Variants in MPP7 observed in about 807,000 individuals in gnomAD.
MPP7 encodes the protein MAGUK p55 scaffold protein 7.
Under a neutral mutation model 76.5 loss-of-function variants are expected in MPP7, and 60 were observed. The observed-to-expected ratio is 0.78, with a 90% CI of 0.64 to 0.97. The LOEUF is 0.97. Ranked by LOEUF, MPP7 falls within the 50% of genes least tolerant of loss-of-function variation. MPP7 has a pLI of 0.00. For synonymous variants in MPP7, 237 were observed against 244.5 expected, an observed-to-expected ratio of 0.97 and a Z score of 0.29; for missense variants, 641 against 694.0, an observed-to-expected ratio of 0.92 and a Z score of 0.86.
At chr10:28,058,215 A>G (rs1851640134) in intron 15 of MPP7, among the ~76,000 whole-genome samples, 1 of 152,226 alleles carries the variant, frequency 6.6e-6, no homozygotes, top group African/African-American at 2.4e-5. Flanking sequence ...ATGTAGAAAC[A>G]TCTAAGAGTT....
chr10:28,092,576 C>CTTTTTTTTTT (rs1564626626), intron 11 of MPP7, among the ~76,000 whole-genome samples: 5 of 101,602 alleles, frequency 4.9e-5, no homozygotes, highest in Admixed American at 2.3e-4. Context: ...AGAAAAGGGA[C>CTTTTTTTTTT]CTTTTTTTTT....
At chr10:28,308,244 G>T (rs1841270353) in intron 2 of MPP7, among the ~76,000 whole-genome samples, 1 of 152,200 alleles carries the variant, frequency 6.6e-6, no homozygotes, top group South Asian at 2.1e-4. Context: ...TAAAAGTGCA[G>T]CTGGCTGTGT....
intron 1 of MPP7, among the ~76,000 whole-genome samples, chr10:28,288,157 A>G (rs1228053838): frequency 1.3e-5 from 2 of 151,922 alleles, no homozygotes; most frequent in East Asian, 1.9e-4. Flanking sequence ...AACCACCACC[A>G]CTCTTTCCCT....
intron 1 of MPP7, among the ~76,000 whole-genome samples, chr10:28,256,372 T>G (rs772350804): frequency 2.0e-5 from 3 of 148,498 alleles, no homozygotes; most frequent in Non-Finnish European, 4.5e-5. Flanking sequence ...TTAATATGAA[T>G]TCCAATAACA....
intron 12 of MPP7, among the ~76,000 whole-genome samples, chr10:28,079,996 C>T (rs935335897): frequency 7.1e-6 from 1 of 141,350 alleles, no homozygotes; most frequent in Admixed American, 7.4e-5. Flanking sequence ...GTGCGGGGTG[C>T]CTATAATCCC....
At chr10:28,277,666 G>T (rs766146032) in intron 1 of MPP7, among the ~76,000 whole-genome samples, 1 of 152,066 alleles carries the variant, frequency 6.6e-6, no homozygotes, top group Non-Finnish European at 1.5e-5. Flanking sequence ...AACAGGGTAC[G>T]GGGTAAACCG....
intron 11 of MPP7, among the ~76,000 whole-genome samples, chr10:28,100,892 G>A (rs973117495): frequency 1.1e-4 from 17 of 152,086 alleles, no homozygotes; most frequent in Admixed American, 2.6e-4. Flanking sequence ...CCATAAAAAT[G>A]GAGAGAGAGA....
At chr10:28,290,162 C>G (rs996656252) in intron 1 of MPP7, among the ~76,000 whole-genome samples, 5 of 152,098 alleles carry the variant, frequency 3.3e-5, no homozygotes, top group Admixed American at 6.5e-5. Flanking sequence ...TTGATACATA[C>G]AGTACATAAA....
At chr10:28,289,490 A>C (rs1159177794) in intron 1 of MPP7, 1 of 152,202 alleles carries the variant, frequency 6.6e-6, no homozygotes, top group African/African-American at 2.4e-5. Flanking sequence ...GACTTAACAC[A>C]AAAGTCACTT....
chr10:28,133,263 T>A (rs769845096), intron 5 of MPP7, among the ~76,000 whole-genome samples: 2 of 152,300 alleles, frequency 1.3e-5, no homozygotes, highest in South Asian at 4.1e-4. Context: ...TTAAATCACA[T>A]AACTACCCCT....
intron 3 of MPP7, among the ~76,000 whole-genome samples, chr10:28,174,011 C>T (rs567348234): frequency 6.6e-5 from 10 of 152,210 alleles, no homozygotes; most frequent in Admixed American, 3.9e-4. Context: ...CAGTCCCATA[C>T]GAAACATATG....
intron 3 of MPP7, among the ~76,000 whole-genome samples, chr10:28,200,145 G>T (rs896607251): frequency 2.6e-5 from 4 of 152,176 alleles, no homozygotes; most frequent in African/African-American, 9.7e-5. Context: ...TTGGAATACA[G>T]TTAAGCGGTT....
chr10:28,280,774 G>C lies in MPP7; in HGVS notation c.-132+22087C>G, dbSNP rs994435375. On this transcript the variant is annotated intron_variant, in intron 1 of 16. Transcript: ENST00000683449. ...TGATCATCTCAGACCCTGGGAAAGC[G>C]CAGGCCAGACAAAGGTCACATGCGA... Among the ~76,000 whole-genome samples the C allele has an allele frequency of 6.0e-5, 9 of 150,828 alleles. 1 individual carries two copies. Among genetic ancestry groups the C allele is most frequent in the Admixed American group, 5.3e-4 (8 of 15,128 alleles).
At chr10:28,131,359 T>C (rs1835185928) in intron 6 of MPP7, among the ~76,000 whole-genome samples, 1 of 152,230 alleles carries the variant, frequency 6.6e-6, no homozygotes, top group Non-Finnish European at 1.5e-5. Context: ...TTCAAAATCA[T>C]TGCTATTTAA....
At chr10:28,270,747 T>C (rs952899146) in intron 1 of MPP7, among the ~76,000 whole-genome samples, 3 of 152,224 alleles carry the variant, frequency 2.0e-5, no homozygotes, top group Non-Finnish European at 4.4e-5. Context: ...GGGGAACTTA[T>C]TAAATCAGAG....
chr10:28,164,361 G>A (rs73608053), intron 3 of MPP7, among the ~76,000 whole-genome samples: 2,536 of 151,772 alleles, frequency 0.017, 50 homozygotes, highest in African/African-American at 0.055. Flanking sequence ...AAATGAAGGT[G>A]TTCCAGAACT....
chr10:28,176,949 C>T (rs1836884047), intron 3 of MPP7, among the ~76,000 whole-genome samples: 1 of 149,356 alleles, frequency 6.7e-6, no homozygotes, highest in African/African-American at 2.5e-5. Flanking sequence ...ATGGGTGCAG[C>T]ACACCAACAT....
chr10:28,160,618 G>A (rs1382164362), intron 3 of MPP7, among the ~76,000 whole-genome samples: 3 of 152,286 alleles, frequency 2.0e-5, no homozygotes, highest in East Asian at 3.9e-4. Flanking sequence ...TGAGAACCAC[G>A]ACTACCTACT....
chr10:28,291,472 G>A (rs1840918386), intron 1 of MPP7, among the ~76,000 whole-genome samples: 1 of 152,222 alleles, frequency 6.6e-6, no homozygotes, highest in South Asian at 2.1e-4. Context: ...AGGTGTGGTA[G>A]CACATGCCTG....
Sources: gnomAD v4.1 joint callset for allele counts (sites outside exome capture counted in the v4.1 genomes callset) on GRCh38, gnomAD v4.1.1 for gene constraint, MANE v1.5 for transcripts, NCBI Gene and HGNC (gene_info 2026-07-23, HGNC 2026-07-21) for gene names.